Variants in SOX6 observed in about 807,000 individuals in gnomAD.
SOX6 encodes the protein SRY-box transcription factor 6.
Under a neutral mutation model 97.8 loss-of-function variants are expected in SOX6, and 11 were observed. That is an observed-to-expected ratio of 0.11 (90% CI 0.07 to 0.19). The LOEUF is 0.19. Among genes scored for constraint, SOX6 ranks in the 10% least tolerant of loss-of-function variants. SOX6 has a pLI of 1.00. For missense variants in SOX6, 810 were observed against 1,039.5 expected, an observed-to-expected ratio of 0.78 and a Z score of 3.04; for synonymous variants, 360 against 371.4, an observed-to-expected ratio of 0.97 and a Z score of 0.35.
At chr11:16,170,966 C>T (rs1442274319) in intron 6 of SOX6, among the ~76,000 whole-genome samples, 2 of 151,938 alleles carry the variant, frequency 1.3e-5, no homozygotes, top group Non-Finnish European at 2.9e-5. Flanking sequence ...CAGTTTAGAC[C>T]TACCCTTATC....
chr11:16,043,732 T>TC (rs529583748), intron 12 of SOX6, among the ~76,000 whole-genome samples: 19 of 152,040 alleles, frequency 1.2e-4, no homozygotes, highest in African/African-American at 1.2e-4. Context: ...GCAGCACAGA[T>TC]CCCCCCCTGC....
In SOX6 at chr11:16,186,836, G is replaced by T. The variant is rs1851492549; in HGVS notation, c.655C>A (p.Gln219Lys). The change falls in exon 5 of 16, where the codon CAA becomes AAA. Residue 219 changes from glutamine to lysine, a missense_variant. Gln to Lys is a moderately conservative substitution (Grantham distance 53). Transcript: ENST00000683767. ...ATTTGCTGCCGTTGTTTCTCAATTT[G>T]TGACGCTGCCAGTTTTTTCTGTTCA... ...HDEQKKLAAS[Q>K]IEKQRQQMDL... is the part of the protein sequence containing the mutation. 1 of 1,613,734 alleles carries T rather than the reference G, an allele frequency of 6.2e-7. No homozygotes were observed. The highest frequency in any genetic ancestry group is 1.3e-5 in the African/African-American group (1 of 74,968).
intron 3 of SOX6, among the ~76,000 whole-genome samples, chr11:16,250,332 G>T (rs1485534185): frequency 2.6e-5 from 4 of 152,030 alleles, no homozygotes. Context: ...AGCTTCTGGA[G>T]ATTTAACAGA....
intron 1 of SOX6, among the ~76,000 whole-genome samples, chr11:16,386,903 A>G (rs1445004240): frequency 2.0e-5 from 3 of 152,156 alleles, no homozygotes; most frequent in Non-Finnish European, 2.9e-5. Context: ...GCCCATATAT[A>G]CTTGGTACTC....
At chr11:16,106,788 T>C (rs771720556) in intron 7 of SOX6, among the ~76,000 whole-genome samples, 2 of 152,002 alleles carry the variant, frequency 1.3e-5, no homozygotes, top group East Asian at 1.9e-4. Context: ...AAAGATACTA[T>C]GAAGAATGCT....
intron 12 of SOX6, among the ~76,000 whole-genome samples, chr11:16,044,988 C>CTATA (rs1855784222): frequency 6.6e-6 from 1 of 151,834 alleles, no homozygotes; most frequent in African/African-American, 2.4e-5. Context: ...ATCTATCTAT[C>CTATA]TATCATCTAT....
intron 3 of SOX6, among the ~76,000 whole-genome samples, chr11:16,309,228 A>G (rs1565083368): frequency 6.6e-6 from 1 of 152,216 alleles, no homozygotes; most frequent in Non-Finnish European, 1.5e-5. Context: ...GAATCTTCAT[A>G]TGTTATTGTT....
chr11:16,453,794 C>T (rs1859763061), intron 1 of SOX6, among the ~76,000 whole-genome samples: 1 of 152,178 alleles, frequency 6.6e-6, no homozygotes. Flanking sequence ...AAACTGCACT[C>T]GACATCTTCA....
At chr11:16,650,899 G>C (rs535245286) in intron 3 of SOX6, among the ~76,000 whole-genome samples, 1 of 152,030 alleles carries the variant, frequency 6.6e-6, no homozygotes, top group African/African-American at 2.4e-5. Flanking sequence ...AAGAAAAGAA[G>C]AGAGAAGATC....
chr11:16,357,756 C>A (rs1243741558), upstream of SOX6, among the ~76,000 whole-genome samples: 3 of 152,138 alleles, frequency 2.0e-5, no homozygotes, highest in African/African-American at 7.2e-5. Flanking sequence ...AATACGGATT[C>A]TTTTATTTAG....
Position 16,528,274 on chromosome 11 carries a change from T to C in SOX6, n.610-51886A>G, listed in dbSNP as rs79020105. On this transcript the variant is annotated intron_variant and non_coding_transcript_variant, in intron 4 of 5. Transcript: ENST00000524520. The stretch of plus-strand genomic sequence containing the variant: ...AAGAAATAAGTACAATATGTCACAC[T>C]TACTATATTCCAATCATTGTTGTAG... Among the ~76,000 whole-genome samples the C allele has an allele frequency of 5.8e-3, 888 of 152,276 alleles. 11 individuals carry two copies. Among genetic ancestry groups the C allele is most frequent in the African/African-American group, 0.02 (823 of 41,568 alleles).
intron 3 of SOX6, among the ~76,000 whole-genome samples, chr11:16,711,409 AGC>A (rs748168186): frequency 0.16 from 24,777 of 152,140 alleles, 2,670 homozygotes; most frequent in East Asian, 0.32. Context: ...CTATAGTCCC[AGC>A]TACTGGGGGG....
intron 1 of SOX6, among the ~76,000 whole-genome samples, chr11:16,449,277 CTTTTTTTTTTTTTTTTT>C (rs10611823): frequency 1.6e-5 from 1 of 62,906 alleles, no homozygotes; most frequent in African/African-American, 7.2e-5. Flanking sequence ...AATGCTCCTT[CTTTTTTTTTTTTTTTTT>C]TTTTTTTTTT....
At chr11:16,301,256 C>T (rs1237601250) in intron 3 of SOX6, among the ~76,000 whole-genome samples, 1 of 152,178 alleles carries the variant, frequency 6.6e-6, no homozygotes, top group Non-Finnish European at 1.5e-5. Flanking sequence ...CTTAATCAAA[C>T]AAATTTATCC....
intron 12 of SOX6, among the ~76,000 whole-genome samples, chr11:16,041,944 A>C (rs1434675109): frequency 1.3e-5 from 2 of 152,186 alleles, no homozygotes; most frequent in Admixed American, 1.3e-4. Context: ...GTATCAAAGA[A>C]AGAAAAATTT....
At chr11:15,999,958 T>A (rs1854353941) in intron 13 of SOX6, among the ~76,000 whole-genome samples, 1 of 152,138 alleles carries the variant, frequency 6.6e-6, no homozygotes, top group South Asian at 2.1e-4. Context: ...TAAAAGGGGA[T>A]TGAAATTAGA....
At chr11:16,017,244 TCATA>T (rs1854913152) in intron 12 of SOX6, among the ~76,000 whole-genome samples, 1 of 152,038 alleles carries the variant, frequency 6.6e-6, no homozygotes. Context: ...GTCTTTGAAG[TCATA>T]CATTTTTCTA....
intron 4 of SOX6, among the ~76,000 whole-genome samples, chr11:16,546,435 G>A (rs1303504685): frequency 6.6e-6 from 1 of 152,062 alleles, no homozygotes; most frequent in Non-Finnish European, 1.5e-5. Context: ...GAACAATACA[G>A]AGAACCCAGA....
intron 15 of SOX6, among the ~76,000 whole-genome samples, chr11:15,981,528 T>C (rs1406618222): frequency 6.6e-6 from 1 of 152,064 alleles, no homozygotes; most frequent in Non-Finnish European, 1.5e-5. Context: ...CATTAGGAGA[T>C]AAGCCTATAC....
Sources: gnomAD v4.1 joint callset for allele counts (sites outside exome capture counted in the v4.1 genomes callset) on GRCh38, gnomAD v4.1.1 for gene constraint, MANE v1.5 for transcripts, NCBI Gene and HGNC (gene_info 2026-07-23, HGNC 2026-07-21) for gene names.